The following MCUB variants were observed in gnomAD, a reference collection of about 807,000 sequenced individuals.
MCUB encodes calcium uniporter regulatory subunit MCUb, mitochondrial.
MCUB carries 46 observed loss-of-function variants against 41.4 expected under a neutral mutation model. The observed-to-expected ratio is 1.11, with a 90% CI of 0.88 to 1.42. The LOEUF is 1.42. Among genes scored for constraint, MCUB ranks in the 40% most tolerant of loss-of-function variants. MCUB has a pLI of 0.00. For missense variants in MCUB, 403 were observed against 404.9 expected, an observed-to-expected ratio of 1.00 and a Z score of 0.04; for synonymous variants, 148 against 148.2, an observed-to-expected ratio of 1.00 and a Z score of 0.01.
intron 4 of MCUB, among the ~76,000 whole-genome samples, chr4:109,669,821 C>T (rs950541702): frequency 7.2e-5 from 11 of 151,992 alleles, no homozygotes; most frequent in African/African-American, 2.7e-4. Context: ...CCATTAAAGG[C>T]CTTCTTCCTT....
At chr4:109,636,300 C>T (rs1728587571) in intron 1 of MCUB, among the ~76,000 whole-genome samples, 1 of 152,108 alleles carries the variant, frequency 6.6e-6, no homozygotes, top group Non-Finnish European at 1.5e-5. Flanking sequence ...ATTAGATGCA[C>T]AAGGAGAGGC....
At chr4:109,665,614 C>T (rs1033725090) in intron 4 of MCUB, among the ~76,000 whole-genome samples, 1 of 152,166 alleles carries the variant, frequency 6.6e-6, no homozygotes, top group African/African-American at 2.4e-5. Context: ...ATACCTAAGA[C>T]AGTGTAAATG....
intron 1 of MCUB, among the ~76,000 whole-genome samples, chr4:109,612,469 T>C (rs1016791916): frequency 1.3e-5 from 2 of 152,058 alleles, no homozygotes; most frequent in African/African-American, 4.8e-5. Flanking sequence ...TTTCACCATG[T>C]TGGCCAGGCT....
chr4:109,650,604 T>C (rs1728940819), intron 1 of MCUB, among the ~76,000 whole-genome samples: 1 of 152,200 alleles, frequency 6.6e-6, no homozygotes, highest in Non-Finnish European at 1.5e-5. Context: ...TGAGAATACA[T>C]TGCAAACTTG....
rs1727063471 is a variant in MCUB, at chr4:109,577,629, A to G, written c.99+17193A>G. On this transcript the variant is annotated intron_variant, in intron 1 of 7. Transcript: ENST00000394650. ...TTTTTTTTTTTTTTTTTTTTTTTTG[A>G]GATGGAGTCTCGCTCTGTCGCCCAG... Among the ~76,000 whole-genome samples the G allele has an allele frequency of 2.8e-4, 2 of 7,226 alleles. 1 individual carries two copies. Among genetic ancestry groups the G allele is most frequent in the Non-Finnish European group, 5.4e-4 (2 of 3,732 alleles). 4.7% of individuals were successfully genotyped at this position (7,226 alleles called of 152,430 possible).
At chr4:109,630,757 T>C (rs1728458039) in intron 1 of MCUB, among the ~76,000 whole-genome samples, 1 of 152,138 alleles carries the variant, frequency 6.6e-6, no homozygotes, top group Non-Finnish European at 1.5e-5. Context: ...AATTTTGTAT[T>C]TTTAGTAGAG....
At chr4:109,686,805 G>A (rs1456364820) in intron 7 of MCUB, among the ~76,000 whole-genome samples, 1 of 152,178 alleles carries the variant, frequency 6.6e-6, no homozygotes, top group Non-Finnish European at 1.5e-5. Flanking sequence ...GAACCCAAGA[G>A]TTCCAAAGCT....
At position 109,576,920 on chromosome 4, in the gene MCUB, C is replaced by T. The variant is rs1172470396; in HGVS notation, c.99+16484C>T. ...AGGCTGGAGTGCAGTGGCGCAATCT[C>T]GCCTCACTGCAGCCTCTGCCTCCCA... is the stretch of plus-strand genomic sequence containing the variant. On this transcript the variant is annotated intron_variant, in intron 1 of 7. Transcript: ENST00000394650. Among the ~76,000 whole-genome samples, 8 of 152,174 alleles carry T rather than the reference C, an allele frequency of 5.3e-5. No individual in the cohort carries two copies. In the East Asian group the frequency reaches 1.2e-3, roughly 22 times the overall value.
chr4:109,603,352 C>T lies in MCUB; in HGVS notation c.99+42916C>T, dbSNP rs148115400. Among the ~76,000 whole-genome samples the T allele has an allele frequency of 5.9e-4, 90 of 152,346 alleles. No homozygotes were observed. In the East Asian group the frequency reaches 0.012, roughly 21 times the overall value. On this transcript the variant is annotated intron_variant, in intron 1 of 7. Transcript: ENST00000394650. ...CCTTGAGTGATCTGCCTGCCTCGGC[C>T]TCCCGAGGTGCCCGGATTGCAGACA...
At chr4:109,568,356 C>T (rs115411193) in intron 1 of MCUB, among the ~76,000 whole-genome samples, 2,075 of 152,202 alleles carry the variant, frequency 0.014, 46 homozygotes, top group African/African-American at 0.048. Flanking sequence ...TGCAGTTGAA[C>T]CAGAGCCATG....
intron 1 of MCUB, among the ~76,000 whole-genome samples, chr4:109,629,983 C>A (rs1728438914): frequency 6.6e-6 from 1 of 152,152 alleles, no homozygotes; most frequent in Admixed American, 6.5e-5. Flanking sequence ...GTGAGTAGCT[C>A]CCGTCCTGAA....
intron 1 of MCUB, among the ~76,000 whole-genome samples, chr4:109,585,189 T>C (rs1251775830): frequency 6.6e-6 from 1 of 152,226 alleles, no homozygotes; most frequent in Non-Finnish European, 1.5e-5. Flanking sequence ...TCGATTCCTT[T>C]ACCATTAGGC....
intron 1 of MCUB, among the ~76,000 whole-genome samples, chr4:109,609,270 G>A (rs1044554299): frequency 3.3e-5 from 5 of 152,212 alleles, no homozygotes; most frequent in Admixed American, 6.5e-5. Context: ...CATAGACAGA[G>A]CAGCCCCTAG....
At chr4:109,653,206 T>C (rs1383199479) in intron 1 of MCUB, among the ~76,000 whole-genome samples, 1 of 151,962 alleles carries the variant, frequency 6.6e-6, no homozygotes, top group Admixed American at 6.5e-5. Flanking sequence ...AGAAACCCCG[T>C]CTCTACTAAA....
At chr4:109,657,216 C>CT (rs1729123606) in intron 1 of MCUB, among the ~76,000 whole-genome samples, 1 of 81,528 alleles carries the variant, frequency 1.2e-5, no homozygotes, top group African/African-American at 5.5e-5. Flanking sequence ...AATATTCCAT[C>CT]TCAAAAAAAA....
chr4:109,644,012 G>A (rs573477585), intron 1 of MCUB, among the ~76,000 whole-genome samples: 1 of 152,180 alleles, frequency 6.6e-6, no homozygotes, highest in South Asian at 2.1e-4. Flanking sequence ...ATTCTGGTTC[G>A]GAGGCTGCCC....
intron 1 of MCUB, among the ~76,000 whole-genome samples, chr4:109,592,575 A>G (rs1727463327): frequency 6.6e-6 from 1 of 152,150 alleles, no homozygotes; most frequent in Admixed American, 6.5e-5. Context: ...CTGATTATCT[A>G]ACAGGAGGAA....
chr4:109,598,323 G>C (rs539416733), intron 1 of MCUB, among the ~76,000 whole-genome samples: 2 of 152,086 alleles, frequency 1.3e-5, no homozygotes, highest in Non-Finnish European at 2.9e-5. Context: ...CTGAGTGAAC[G>C]AGACTCCGTC....
intron 1 of MCUB, among the ~76,000 whole-genome samples, chr4:109,601,073 G>A (rs1472175216): frequency 6.6e-6 from 1 of 151,812 alleles, no homozygotes; most frequent in East Asian, 1.9e-4. Flanking sequence ...GATTACAGGC[G>A]TGAGCTACCG....
Sources: gnomAD v4.1 joint callset for allele counts (sites outside exome capture counted in the v4.1 genomes callset) on GRCh38, gnomAD v4.1.1 for gene constraint, MANE v1.5 for transcripts, NCBI Gene and HGNC (gene_info 2026-07-23, HGNC 2026-07-21) for gene names.